Variants in ANKRD18A observed in about 807,000 individuals in gnomAD.
The protein encoded by ANKRD18A is ankyrin repeat domain 18A.
In ANKRD18A, 72 loss-of-function variants were observed where a neutral mutation model predicts 110.6. That is an observed-to-expected ratio of 0.65 (90% CI 0.54 to 0.79). The LOEUF (loss-of-function observed/expected upper bound fraction) is 0.79. ANKRD18A is among the 30% of genes least tolerant of loss of function. ANKRD18A has a pLI of 0.00. For missense variants in ANKRD18A, 934 were observed against 1,163.3 expected, an observed-to-expected ratio of 0.80 and a Z score of 2.87; for synonymous variants, 305 against 410.3, an observed-to-expected ratio of 0.74 and a Z score of 3.10.
chr9:38,614,969 A>C (rs1199240002), intron 3 of ANKRD18A, among the ~76,000 whole-genome samples: 4 of 152,174 alleles, frequency 2.6e-5, no homozygotes, highest in South Asian at 4.1e-4. Flanking sequence ...CTAAAAATTA[A>C]TCTTTAGGCA....
At chr9:38,610,548 T>C (rs1176163014) in intron 4 of ANKRD18A, 138 bp from the exon 5 acceptor site, 5 of 1,203,056 alleles carry the variant, frequency 4.2e-6, no homozygotes, top group Non-Finnish European at 5.6e-6. Context: ...AGCTTATGTG[T>C]ATAAGCATCT....
chr9:38,596,097 G>C lies in ANKRD18A; in HGVS notation c.1243C>G (p.Leu415Val). The part of the protein sequence containing the change: ...LEKEKHNKER[L>V]EAEVESLHSS... ...TGGAGGGATTCAACTTCAGCTTCTA[G>C]TCTTTCTTTGTTGTGTTTTTCCTTC... is the stretch of plus-strand genomic sequence containing the variant. Residue 415 changes from leucine (L) to valine (V), a missense_variant, in exon 9 of 16, where the codon CTA becomes GTA. Leu to Val is a conservative substitution (Grantham distance 32, BLOSUM62 1). Coordinates refer to ENST00000399703, the MANE Select transcript of ANKRD18A (RefSeq NM_147195.4). The C allele has an allele frequency of 1.3e-6, 2 of 1,551,240 alleles. No homozygotes were observed. Among genetic ancestry groups the C allele is most frequent in the Non-Finnish European group, 1.7e-6 (2 of 1,146,680 alleles).
chr9:38,604,414 C>T (rs1283442775), intron 6 of ANKRD18A: 1 of 148,252 alleles, frequency 6.7e-6, no homozygotes, highest in African/African-American at 2.5e-5. Context: ...CTTGTGAGAA[C>T]ATGGTGTTTG....
At chr9:38,610,557 C>G (rs1317401061) in intron 4 of ANKRD18A, 147 bp from the exon 5 acceptor site, 1 of 1,156,998 alleles carries the variant, frequency 8.6e-7, no homozygotes, top group African/African-American at 1.6e-5. Context: ...GTATAAGCAT[C>G]TTGGGTGCTC....
At chr9:38,578,256 T>C in intron 12 of ANKRD18A, 108 bp from the exon 13 acceptor site, 1 of 1,065,660 alleles carries the variant, frequency 9.4e-7, no homozygotes, top group African/African-American at 1.6e-5. Context: ...AAATGTTATC[T>C]ATAATGTAGT....
chr9:38,573,129 T>C lies in ANKRD18A; in HGVS notation c.2965-1070A>G, dbSNP rs537986583. 1.3e-4 allele frequency: 170 copies of C among 1,304,476 alleles called. No homozygotes were observed. The African/African-American group carries it at 2.0e-3, about 15-fold the overall frequency. The allele number at this position is 1,304,476 out of a possible 1,614,324, so 80.8% of individuals were successfully genotyped here. A position where few individuals can be genotyped will look rare whatever the true frequency, so the allele number is the denominator to read the frequency against. On this transcript the variant is annotated intron_variant, in intron 15 of 15. Coordinates refer to ENST00000399703, the MANE Select transcript of ANKRD18A (RefSeq NM_147195.4). ...ATTTGTTCTACACGGTCCAGCTCCA[T>C]CTAAAATAAGTAAATAATAATAATA...
intron 8 of ANKRD18A, among the ~76,000 whole-genome samples, chr9:38,597,076 T>A (rs1357205773): frequency 6.6e-6 from 1 of 152,154 alleles, no homozygotes; most frequent in Non-Finnish European, 1.5e-5. Flanking sequence ...CTCCATCAGA[T>A]CACAGTTACC....
At chr9:38,611,362 A>G (rs1825614534) in intron 3 of ANKRD18A, 41 bp from the exon 4 acceptor site, 1 of 1,500,764 alleles carries the variant, frequency 6.7e-7, no homozygotes, top group Non-Finnish European at 8.9e-7. Flanking sequence ...ACAAAATTAC[A>G]TATTTCTCCA....
At chr9:38,574,506 G>A (rs1349909290) in intron 15 of ANKRD18A, among the ~76,000 whole-genome samples, 15 of 152,086 alleles carry the variant, frequency 9.9e-5, no homozygotes, top group South Asian at 4.2e-4. Flanking sequence ...TAGTAGAGAC[G>A]GGGTTTCATC....
intron 15 of ANKRD18A, among the ~76,000 whole-genome samples, chr9:38,573,790 AG>A (rs1393375147): frequency 6.6e-6 from 1 of 152,242 alleles, no homozygotes; most frequent in African/African-American, 2.4e-5. Context: ...TGAAATTCTT[AG>A]CAAAACTCTG....
chr9:38,579,270 A>G (rs1300195083), intron 12 of ANKRD18A, among the ~76,000 whole-genome samples: 3 of 152,226 alleles, frequency 2.0e-5, no homozygotes, highest in South Asian at 2.1e-4. Context: ...GCTTCAGGAC[A>G]TTAGTCTGCA....
chr9:38,596,223 C>T lies in ANKRD18A; in HGVS notation c.1117G>A (p.Val373Ile), dbSNP rs1227235668. 3.2e-6 allele frequency: 5 copies of T among 1,538,600 alleles called. No individual in the cohort carries two copies. The highest frequency in any genetic ancestry group is 1.7e-4 in the Middle Eastern group (1 of 5,914). Residue 373 changes from valine to isoleucine, a missense_variant, in exon 9 of 16, where the codon GTA becomes ATA. Val to Ile is a conservative substitution (Grantham distance 29). This residue lies in a region of ANKRD18A where 630 missense variants were observed against 797.5 expected (regional missense o/e 0.79). Coordinates refer to ENST00000399703, the MANE Select transcript of ANKRD18A (RefSeq NM_147195.4). ...TEINANFEKS[V>I]RLNEKMITKT... is the part of the protein sequence containing the mutation. Reference sequence around the variant, plus strand: ...GTTATCATTTTTTCATTGAGTCTTACACTCTTTTCAAAGTTAGCATTTATT... The same window carrying T: ...GTTATCATTTTTTCATTGAGTCTTATACTCTTTTCAAAGTTAGCATTTATT...
intron 5 of ANKRD18A, among the ~76,000 whole-genome samples, chr9:38,610,030 G>A (rs1825540174): frequency 6.6e-6 from 1 of 151,678 alleles, no homozygotes; most frequent in Non-Finnish European, 1.5e-5. Context: ...GGAATAAAAT[G>A]AACAACACTG....
downstream of ANKRD18A, chr9:38,571,282 CA>C: frequency 1.5e-6 from 2 of 1,373,984 alleles, no homozygotes; most frequent in Non-Finnish European, 1.9e-6. Context: ...GGGGACAATT[CA>C]AAAAGACATA....
At chr9:38,606,850 T>C (rs1825381181) in intron 6 of ANKRD18A, among the ~76,000 whole-genome samples, 1 of 152,144 alleles carries the variant, frequency 6.6e-6, no homozygotes, top group Admixed American at 6.5e-5. Flanking sequence ...AATTTCTTAT[T>C]TATATTAATA....
intron 6 of ANKRD18A, among the ~76,000 whole-genome samples, chr9:38,605,083 A>C (rs1825292510): frequency 6.6e-6 from 1 of 152,230 alleles, no homozygotes; most frequent in African/African-American, 2.4e-5. Context: ...CACATACTGA[A>C]CGTGATACAT....
chr9:38,612,522 T>TTTTTC (rs200642454), intron 3 of ANKRD18A, among the ~76,000 whole-genome samples: 7,227 of 67,712 alleles, frequency 0.11, 222 homozygotes, highest in African/African-American at 0.17. Context: ...TTTCTTTTTC[T>TTTTTC]TTTTTTTTTT....
intron 1 of ANKRD18A, 48 bp from the exon 2 acceptor site, chr9:38,616,092 A>T: frequency 7.1e-7 from 1 of 1,405,102 alleles, no homozygotes; most frequent in Non-Finnish European, 9.6e-7. Flanking sequence ...AATATCTCAA[A>T]ACCTACAATG....
chr9:38,614,950 C>T (rs1274899966), intron 3 of ANKRD18A, among the ~76,000 whole-genome samples: 1 of 152,156 alleles, frequency 6.6e-6, no homozygotes, highest in Non-Finnish European at 1.5e-5. Context: ...CTGGTTTCCT[C>T]AGAGTCCTCT....
Sources: gnomAD v4.1 joint callset for allele counts (sites outside exome capture counted in the v4.1 genomes callset) on GRCh38, gnomAD v4.1.1 for gene constraint, gnomAD v4.1.1 regional missense constraint, MANE v1.5 for transcripts, NCBI Gene and HGNC (gene_info 2026-07-23, HGNC 2026-07-21) for gene names.